KHDRBS2: variants seen among roughly 807,000 people sequenced by gnomAD.
The protein encoded by KHDRBS2 is KH RNA binding domain containing, signal transduction associated 2.
A neutral mutation model predicts 44.3 loss-of-function variants in KHDRBS2; 26 were observed. That is an observed-to-expected ratio of 0.59 (90% confidence interval 0.43 to 0.81). The LOEUF (loss-of-function observed/expected upper bound fraction) is 0.81, where lower values mean the gene tolerates loss of function less well. KHDRBS2 is among the 40% of genes least tolerant of loss of function. The pLI, the probability that KHDRBS2 is intolerant of heterozygous loss-of-function variation, is 0.00. For synonymous variants in KHDRBS2, 194 were observed against 151.1 expected (o/e 1.28, Z -2.08); for missense variants, 476 against 433.1 (o/e 1.10, Z -0.88).
chr6:61,967,931 CGT>C lies in KHDRBS2; in HGVS notation c.483+10133_483+10134del, dbSNP rs1491511125. 4.9e-4 allele frequency among the ~76,000 whole-genome samples: 41 copies of C among 83,994 alleles called. No homozygotes were observed. The East Asian group carries it at 9.0e-3, about 18-fold the overall frequency. 55.1% of individuals were successfully genotyped at this position (83,994 alleles called of 152,430 possible). ...ATATATATACACATGCATACACACA[CGT>C]ATATATATATATATATATATATATA... On this transcript the variant is annotated intron_variant, in intron 4 of 8. Transcript: ENST00000281156.
At chr6:61,903,529 A>G (rs1483763673) in intron 4 of KHDRBS2, among the ~76,000 whole-genome samples, 6 of 152,186 alleles carry the variant, frequency 3.9e-5, no homozygotes, top group Admixed American at 2.6e-4. Flanking sequence ...AATAGGAGGA[A>G]AAGGATGAAG....
At chr6:61,836,247 C>T (rs957602177) in intron 6 of KHDRBS2, among the ~76,000 whole-genome samples, 1 of 152,010 alleles carries the variant, frequency 6.6e-6, no homozygotes, top group Non-Finnish European at 1.5e-5. Context: ...CACAAAATGG[C>T]TATTCAAACT....
chr6:61,678,561 T>C (rs2127536679), downstream of KHDRBS2, among the ~76,000 whole-genome samples: 1 of 152,070 alleles, frequency 6.6e-6, no homozygotes, highest in South Asian at 2.1e-4. Context: ...TAACCAAGTT[T>C]TATTGCGCTT....
At chr6:61,911,123 A>T (rs1314989195) in intron 4 of KHDRBS2, among the ~76,000 whole-genome samples, 1 of 152,206 alleles carries the variant, frequency 6.6e-6, no homozygotes, top group African/African-American at 2.4e-5. Context: ...TATGCATAAA[A>T]GAGGTTGATA....
At position 62,158,491 on chromosome 6, in the gene KHDRBS2, C is replaced by G. The variant is rs114953878; in HGVS notation, c.219+18694G>C. 8.0e-3 allele frequency among the ~76,000 whole-genome samples: 1,218 copies of G among 152,196 alleles called. 11 individuals carry two copies. Among genetic ancestry groups the G allele is most frequent in the African/African-American group, 0.027 (1,139 of 41,546 alleles). On this transcript the variant is annotated intron_variant, in intron 2 of 8. Transcript: ENST00000281156. ...AGCTATGGTTGAAACTCAGGTCTAT[C>G]TAGTTCAAAATTTTATTTTCCCATT...
chr6:62,264,715 G>A (rs1585504134), intron 1 of KHDRBS2, among the ~76,000 whole-genome samples: 1 of 151,684 alleles, frequency 6.6e-6, no homozygotes, highest in South Asian at 2.1e-4. Context: ...CATTCCGACT[G>A]CCTTTCTTTT....
At chr6:62,060,858 G>T (rs1006567991) in intron 2 of KHDRBS2, among the ~76,000 whole-genome samples, 51 of 151,784 alleles carry the variant, frequency 3.4e-4, no homozygotes, top group Non-Finnish European at 6.6e-4. Flanking sequence ...TAGATATATT[G>T]TGTGCTTAAT....
chr6:61,742,919 T>C (rs1222328370), intron 6 of KHDRBS2, among the ~76,000 whole-genome samples: 3 of 152,040 alleles, frequency 2.0e-5, no homozygotes, highest in Non-Finnish European at 4.4e-5. Flanking sequence ...ATATGTACAC[T>C]CAATATAAAG....
intron 3 of KHDRBS2, among the ~76,000 whole-genome samples, chr6:62,015,177 T>C (rs9453934): frequency 0.022 from 3,374 of 152,282 alleles, 129 homozygotes; most frequent in African/African-American, 0.078. Context: ...TTCAATGATA[T>C]TTTAAGGTAG....
chr6:61,586,007 T>G, the KHDRBS2 span, among the ~76,000 whole-genome samples: 1 of 152,104 alleles, frequency 6.6e-6, no homozygotes, highest in African/African-American at 2.4e-5. Context: ...GAAGGGGAAG[T>G]TTGTTGATGG....
chr6:61,783,236 T>C (rs1402428177), intron 6 of KHDRBS2, among the ~76,000 whole-genome samples: 1 of 152,148 alleles, frequency 6.6e-6, no homozygotes, highest in East Asian at 1.9e-4. Flanking sequence ...ATTCATTTCC[T>C]ATACATTCTC....
At chr6:61,930,431 T>A (rs1342795275) in intron 4 of KHDRBS2, among the ~76,000 whole-genome samples, 3 of 147,672 alleles carry the variant, frequency 2.0e-5, no homozygotes, top group Non-Finnish European at 4.4e-5. Flanking sequence ...TTATATGAAA[T>A]GCTCAAGGGG....
the KHDRBS2 span, among the ~76,000 whole-genome samples, chr6:61,563,927 G>A: frequency 1.3e-5 from 2 of 152,062 alleles, no homozygotes; most frequent in Non-Finnish European, 2.9e-5. Flanking sequence ...AAAACATGCA[G>A]CAATAGAGGA....
chr6:61,640,634 T>C, the KHDRBS2 span, among the ~76,000 whole-genome samples: 1 of 152,134 alleles, frequency 6.6e-6, no homozygotes, highest in East Asian at 1.9e-4. Flanking sequence ...ACACAATAGA[T>C]AGTTGCTGAC....
At chr6:61,575,233 C>T in the KHDRBS2 span, among the ~76,000 whole-genome samples, 1 of 152,166 alleles carries the variant, frequency 6.6e-6, no homozygotes, top group Non-Finnish European at 1.5e-5. Flanking sequence ...AGACTAATGT[C>T]CAGACTCTAC....
intron 1 of KHDRBS2, among the ~76,000 whole-genome samples, chr6:62,189,999 G>T (rs909287175): frequency 6.6e-6 from 1 of 152,056 alleles, no homozygotes; most frequent in Non-Finnish European, 1.5e-5. Context: ...ATTGATGCTC[G>T]AATTTATAGG....
the KHDRBS2 span, among the ~76,000 whole-genome samples, chr6:61,548,861 T>TACCTGAG: frequency 6.6e-6 from 1 of 151,952 alleles, no homozygotes; most frequent in Non-Finnish European, 1.5e-5. Flanking sequence ...TATGTTGGAG[T>TACCTGAG]TGGCCACTAC....
At chr6:62,185,023 T>C (rs1034111971) in intron 1 of KHDRBS2, among the ~76,000 whole-genome samples, 10 of 151,944 alleles carry the variant, frequency 6.6e-5, no homozygotes, top group Non-Finnish European at 1.3e-4. Context: ...GCTGGCTACA[T>C]GATCTTAAGC....
intron 1 of KHDRBS2, among the ~76,000 whole-genome samples, chr6:62,182,296 G>A (rs548103736): frequency 3.3e-5 from 5 of 152,034 alleles, no homozygotes; most frequent in South Asian, 2.1e-4. Flanking sequence ...TGGTGATGAC[G>A]GGGACTGAGA....
Sources: gnomAD v4.1 joint callset for allele counts (sites outside exome capture counted in the v4.1 genomes callset) on GRCh38, gnomAD v4.1.1 for gene constraint, MANE v1.5 for transcripts, NCBI Gene and HGNC (gene_info 2026-07-23, HGNC 2026-07-21) for gene names.